The following DCTN4 variants were observed in gnomAD, a reference collection of about 807,000 sequenced individuals.
The protein encoded by DCTN4 is dynactin 4 (p62).
A neutral mutation model predicts 62.7 loss-of-function variants in DCTN4; 23 were observed. The observed-to-expected ratio is 0.37, with a 90% CI of 0.26 to 0.52. The LOEUF (loss-of-function observed/expected upper bound fraction) is 0.52. Among genes scored for constraint, DCTN4 ranks in the 20% least tolerant of loss-of-function variants. The pLI, the probability that DCTN4 is intolerant of heterozygous loss-of-function variation, is 0.92. For missense variants in DCTN4, 514 were observed against 580.4 expected (o/e 0.89, Z 1.18); for synonymous variants, 199 against 202.1 (o/e 0.98, Z 0.13).
In DCTN4 at chr5:150,758,949, C is replaced by A; in HGVS notation, c.45G>T (p.Gln15His). Residue 15 changes from glutamine (Q) to histidine (H), a missense_variant, in exon 1 of 13, where the codon CAG becomes CAT. Coordinates refer to ENST00000447998, the MANE Select transcript of DCTN4 (RefSeq NM_016221.4). Reference protein sequence around the residue: ...LQSDRVLYLVQGEKKVRAPLS... With the variant: ...LQSDRVLYLVHGEKKVRAPLS... ...GCGGGGCCCGAACCTTCTTTTCTCC[C>A]TGGACTAGATAGAGAACCCGGTCCG... is the stretch of plus-strand genomic sequence containing the variant. The A allele has an allele frequency of 6.2e-7, 1 of 1,614,164 alleles. No individual in the cohort carries two copies. Among genetic ancestry groups the A allele is most frequent in the Non-Finnish European group, 8.5e-7 (1 of 1,180,016 alleles).
intron 5 of DCTN4, chr5:150,731,765 G>C: frequency 1.1e-6 from 1 of 929,170 alleles, no homozygotes; most frequent in Non-Finnish European, 1.7e-6. Flanking sequence ...AAGTATCTAA[G>C]CTACGGCTCA....
chr5:150,712,293 C>A (rs1179921888), intron 12 of DCTN4, among the ~76,000 whole-genome samples: 1 of 152,086 alleles, frequency 6.6e-6, no homozygotes, highest in Non-Finnish European at 1.5e-5. Context: ...TCACGCCCAG[C>A]TAATTTTTAT....
chr5:150,751,064 T>C (rs1752654137), intron 3 of DCTN4, among the ~76,000 whole-genome samples: 2 of 152,324 alleles, frequency 1.3e-5, no homozygotes, highest in East Asian at 3.9e-4. Context: ...GTTTCAGCTG[T>C]AATATTTTTA....
intron 3 of DCTN4, among the ~76,000 whole-genome samples, chr5:150,743,454 C>T (rs1272722564): frequency 6.6e-6 from 1 of 152,196 alleles, no homozygotes; most frequent in African/African-American, 2.4e-5. Context: ...CAGTGGTTCT[C>T]CCAGCACGCA....
chr5:150,753,357 TAATGACAA>T, intron 3 of DCTN4, 114 bp downstream of exon 3: 2 of 789,744 alleles, frequency 2.5e-6, no homozygotes, highest in South Asian at 3.8e-5. Flanking sequence ...ACAGAAGAGT[TAATGACAA>T]AATATTCTGA....
chr5:150,756,899 A>AT (rs1314590758), intron 1 of DCTN4, among the ~76,000 whole-genome samples: 13 of 152,268 alleles, frequency 8.5e-5, no homozygotes, highest in African/African-American at 2.9e-4. Flanking sequence ...TTTGAAGGAC[A>AT]TTTTTTTAAA....
chr5:150,711,067 C>A lies in DCTN4; in HGVS notation c.*82G>T. 1 of 1,309,134 alleles carries A rather than the reference C, an allele frequency of 7.6e-7. No homozygotes were observed. The highest frequency in any genetic ancestry group is 1.2e-5 in the South Asian group (1 of 80,280). 81.1% of individuals were successfully genotyped at this position (1,309,134 alleles called of 1,614,324 possible). A position where few individuals can be genotyped will look rare whatever the true frequency, so the allele number is the denominator to read the frequency against. ...CATGGGTACATCGTTATAAACAAGG[C>A]CTAATGAAGCAGCAGCTTCCACATT... is the stretch of plus-strand genomic sequence containing the variant. On this transcript the variant is annotated 3_prime_UTR_variant, in exon 13 of 13. Transcript: ENST00000447998.
Position 150,756,399 on chromosome 5 carries a change from A to AT in DCTN4, c.206+17_206+18insA, listed in dbSNP as rs1304193219. ...TCAAGGAAAATAGGAAGAAAAAAAA[A>AT]ATCAGTCCAGGTCTTACCTATTCTT... On this transcript the variant is annotated intron_variant, in intron 2 of 12. Coordinates refer to ENST00000447998, the MANE Select transcript of DCTN4 (RefSeq NM_016221.4). 1.3e-6 allele frequency: 2 copies of AT among 1,548,296 alleles called. No individual in the cohort carries two copies. Among genetic ancestry groups the AT allele is most frequent in the Non-Finnish European group, 1.7e-6 (2 of 1,150,320 alleles).
At chr5:150,726,399 A>C (rs1760146524) in intron 8 of DCTN4, among the ~76,000 whole-genome samples, 1 of 152,276 alleles carries the variant, frequency 6.6e-6, no homozygotes, top group Non-Finnish European at 1.5e-5. Flanking sequence ...ACTTAAGAAG[A>C]GATATTGTGT....
At chr5:150,717,486 G>A (rs1759807832) in intron 11 of DCTN4, among the ~76,000 whole-genome samples, 1 of 152,164 alleles carries the variant, frequency 6.6e-6, no homozygotes, top group Non-Finnish European at 1.5e-5. Context: ...GACCTTAGAT[G>A]ATCCACTCAC....
intron 4 of DCTN4, among the ~76,000 whole-genome samples, chr5:150,736,040 A>G (rs1760569920): frequency 6.6e-6 from 1 of 151,902 alleles, no homozygotes; most frequent in African/African-American, 2.4e-5. Flanking sequence ...AATTAACCCA[A>G]TCTGACAAAT....
intron 2 of DCTN4, among the ~76,000 whole-genome samples, chr5:150,755,244 A>G (rs1752815361): frequency 1.3e-5 from 2 of 152,186 alleles, no homozygotes; most frequent in African/African-American, 4.8e-5. Flanking sequence ...AAAAACAAAT[A>G]AACAAGAGGA....
chr5:150,727,604 G>A (rs571261269), intron 8 of DCTN4, among the ~76,000 whole-genome samples: 13 of 151,502 alleles, frequency 8.6e-5, no homozygotes, highest in African/African-American at 1.9e-4. Flanking sequence ...GTGAAACCCC[G>A]TCTCTACTAA....
At chr5:150,747,094 C>T (rs1237775962) in intron 3 of DCTN4, among the ~76,000 whole-genome samples, 6 of 152,124 alleles carry the variant, frequency 3.9e-5, no homozygotes, top group African/African-American at 7.2e-5. Flanking sequence ...AGCAAAGTCT[C>T]GGGATACAAA....
Position 150,730,668 on chromosome 5 carries a change from T to A in DCTN4, c.797A>T (p.His266Leu), listed in dbSNP as rs771717433. 6.2e-7 allele frequency: 1 copy of A among 1,614,088 alleles called. No homozygotes were observed. Among genetic ancestry groups the A allele is most frequent in the South Asian group, 1.1e-5 (1 of 91,072 alleles). ...PVCASQLYPRHKHLLIKRSLR... is the reference protein window; with the variant it reads ...PVCASQLYPRLKHLLIKRSLR... ...GGACCGTTTGATCAGAAGATGTTTGTGGCGAGGATAGAGCTGTGAAGCACA... is the reference window on the plus strand; with the variant it reads ...GGACCGTTTGATCAGAAGATGTTTGAGGCGAGGATAGAGCTGTGAAGCACA... Residue 266 changes from histidine to leucine, a missense_variant, in exon 8 of 13, where the codon CAC becomes CTC. Coordinates refer to ENST00000447998, the MANE Select transcript of DCTN4 (RefSeq NM_016221.4).
rs1248228556 is a variant in DCTN4 at position 150,709,375 on chromosome 5, C to G, written c.*1774G>C. The G allele has an allele frequency of 6.6e-6, 1 of 152,306 alleles. No homozygotes were observed. Among genetic ancestry groups the G allele is most frequent in the African/African-American group, 2.4e-5 (1 of 41,448 alleles). The allele number at this position is 152,306 out of a possible 1,614,324, so 9.4% of individuals were successfully genotyped here. A position where few individuals can be genotyped will look rare whatever the true frequency, so the allele number is the denominator to read the frequency against. ...TATGCAAACGTGTAAACATATGAAG[C>G]TATTCTCTACTCTATGCCCATTTCC... On this transcript the variant is annotated 3_prime_UTR_variant, in exon 13 of 13. Coordinates refer to ENST00000447998, the MANE Select transcript of DCTN4 (RefSeq NM_016221.4).
chr5:150,731,397 A>C lies in DCTN4; in HGVS notation c.611+19T>G. ...GATACCTGCTGTTCTCCTCAAAGTCATTTCATGTCTAAACTTACGAAAGTC... is the reference window on the plus strand; with the variant it reads ...GATACCTGCTGTTCTCCTCAAAGTCCTTTCATGTCTAAACTTACGAAAGTC... On this transcript the variant is annotated intron_variant, in intron 6 of 12. Transcript: ENST00000447998. 1 of 1,608,514 alleles carries C rather than the reference A, an allele frequency of 6.2e-7. No individual in the cohort carries two copies. The highest frequency in any genetic ancestry group is 8.5e-7 in the Non-Finnish European group (1 of 1,175,820).
At chr5:150,741,991 T>C (rs551935627) in intron 4 of DCTN4, 123 bp downstream of exon 4, 21 of 831,720 alleles carry the variant, frequency 2.5e-5, no homozygotes, top group Non-Finnish European at 4.0e-5. Flanking sequence ...GCACTGTCTA[T>C]GTGCAAAGAC....
At chr5:150,724,153 T>C (rs1262406680) in intron 8 of DCTN4, among the ~76,000 whole-genome samples, 1 of 152,208 alleles carries the variant, frequency 6.6e-6, no homozygotes, top group East Asian at 1.9e-4. Context: ...GAAATGATAT[T>C]CCACTGCAGT....
Sources: allele counts gnomAD v4.1 joint callset (sites outside exome capture counted in the v4.1 genomes callset), GRCh38; gene constraint gnomAD v4.1.1; transcripts MANE v1.5; gene names NCBI Gene and HGNC (gene_info 2026-07-23, HGNC 2026-07-21).